ABAT: variants seen among roughly 807,000 people sequenced by gnomAD.
The protein encoded by ABAT is 4-aminobutyrate aminotransferase, mitochondrial.
A neutral mutation model predicts 64.6 loss-of-function variants in ABAT; 45 were observed. The ratio of observed to expected loss-of-function variants is 0.70; its 90% confidence interval spans 0.55 to 0.89. The LOEUF (loss-of-function observed/expected upper bound fraction) is 0.89. Among genes scored for constraint, ABAT ranks in the 40% least tolerant of loss-of-function variants. The pLI, the probability that ABAT is intolerant of heterozygous loss-of-function variation, is 0.00. For synonymous variants in ABAT, 297 were observed against 250.5 expected, an observed-to-expected ratio of 1.19 and a Z score of -1.75; for missense variants, 633 against 658.4, an observed-to-expected ratio of 0.96 and a Z score of 0.42.
intron 8 of ABAT, among the ~76,000 whole-genome samples, chr16:8,765,454 A>G (rs1239062480): frequency 1.3e-5 from 2 of 152,096 alleles, no homozygotes; most frequent in Non-Finnish European, 2.9e-5. Flanking sequence ...ACTTGAGTCC[A>G]AGAGTTCAAG....
rs1206306789 is a variant in ABAT, at chr16:8,776,229, G to C, written c.1123-115G>C. 2.1e-6 allele frequency: 3 copies of C among 1,409,776 alleles called. No individual in the cohort carries two copies. The African/African-American group carries it at 4.2e-5, about 20-fold the overall frequency. The allele number at this position is 1,409,776 out of a possible 1,614,324, so 87.3% of individuals were successfully genotyped here. On this transcript the variant is annotated intron_variant, in intron 13 of 15. Transcript: ENST00000268251. The surrounding 1 kb of genome is among the most constrained non-coding windows in gnomAD (Gnocchi z 4.4). ...GTTCCCCTGCCAGCCTCTGGTAGAT[G>C]CCCACTAGATTAGTTTCTCTCCTCT...
chr16:8,750,557 A>G lies in ABAT; in HGVS notation c.316+18A>G. 3.1e-6 allele frequency: 5 copies of G among 1,603,014 alleles called. No individual in the cohort carries two copies. The highest frequency in any genetic ancestry group is 3.4e-6 in the Non-Finnish European group (4 of 1,170,220). On this transcript the variant is annotated intron_variant, in intron 5 of 15. Coordinates refer to ENST00000268251, the MANE Select transcript of ABAT (RefSeq NM_020686.6). ...CCCCATAGGTAAGAGCTGGGAAATC[A>G]TTCCTTGGATATAACCTCTGTTTCT...
intron 1 of ABAT, among the ~76,000 whole-genome samples, chr16:8,732,717 G>A (rs559668602): frequency 6.6e-6 from 1 of 150,810 alleles, no homozygotes; most frequent in Non-Finnish European, 1.5e-5. Context: ...ATCCTGGCCC[G>A]TTCTCAATGA....
intron 1 of ABAT, among the ~76,000 whole-genome samples, chr16:8,688,052 G>A (rs961965758): frequency 2.7e-5 from 4 of 148,808 alleles, no homozygotes; most frequent in Non-Finnish European, 5.9e-5. Flanking sequence ...CCCGTTCCCT[G>A]CCCCGCTATT....
chr16:8,769,908 AT>A (rs1442704325), intron 11 of ABAT, among the ~76,000 whole-genome samples: 2 of 152,118 alleles, frequency 1.3e-5, no homozygotes, highest in African/African-American at 4.8e-5. Flanking sequence ...GCACATCATC[AT>A]TTTCAATCAG....
At chr16:8,773,778 G>C (rs1230353345) in intron 12 of ABAT, among the ~76,000 whole-genome samples, 4 of 152,160 alleles carry the variant, frequency 2.6e-5, no homozygotes, top group Non-Finnish European at 1.5e-5. Flanking sequence ...AGTGTTTTTA[G>C]TTCCCACCTG....
At chr16:8,726,456 G>A (rs1232069010) in intron 1 of ABAT, among the ~76,000 whole-genome samples, 3 of 151,942 alleles carry the variant, frequency 2.0e-5, no homozygotes, top group Admixed American at 6.6e-5. Context: ...ATGGGGTTTA[G>A]CCATGTTCGC....
intron 1 of ABAT, among the ~76,000 whole-genome samples, chr16:8,725,177 A>T (rs1173724128): frequency 5.9e-5 from 9 of 152,132 alleles, no homozygotes; most frequent in Non-Finnish European, 1.3e-4. Flanking sequence ...CGGCCTCCCA[A>T]AGTGCTACGA....
intron 1 of ABAT, among the ~76,000 whole-genome samples, chr16:8,720,274 A>G (rs1185790712): frequency 3.9e-5 from 6 of 152,220 alleles, no homozygotes; most frequent in East Asian, 3.8e-4. Context: ...TGCAGAAACT[A>G]AGGCACTGAT....
At chr16:8,756,115 A>G (rs918995906) in intron 5 of ABAT, among the ~76,000 whole-genome samples, 2 of 151,660 alleles carry the variant, frequency 1.3e-5, no homozygotes, top group Non-Finnish European at 1.5e-5. Context: ...CCGGAGGCTG[A>G]GGCACGAGAC....
Position 8,764,752 on chromosome 16 carries a change from G to C in ABAT, c.462G>C (p.Gly154=), listed in dbSNP as rs892963068. 3.1e-6 allele frequency: 5 copies of C among 1,614,008 alleles called. No homozygotes were observed. The African/African-American group carries it at 6.7e-5, about 22-fold the overall frequency. Residue 154 remains glycine (G), a synonymous_variant, in exon 8 of 16, where the codon GGG becomes GGC. Coordinates refer to ENST00000268251, the MANE Select transcript of ABAT (RefSeq NM_020686.6). The surrounding 1 kb of genome is among the most constrained non-coding windows in gnomAD (Gnocchi z 4.2). ...CCTCCCCACAGGTGGCTCCCAAAGG[G>C]ATGTCCCAGCTCATCACCATGGCCT... is the stretch of plus-strand genomic sequence containing the variant. ...RQSLLSVAPK[G]MSQLITMACG...
intron 1 of ABAT, among the ~76,000 whole-genome samples, chr16:8,687,198 C>T (rs1417940781): frequency 6.6e-6 from 1 of 152,070 alleles, no homozygotes; most frequent in African/African-American, 2.4e-5. Flanking sequence ...GGCCGCCTGC[C>T]CTCCCACGGA....
intron 11 of ABAT, among the ~76,000 whole-genome samples, chr16:8,771,684 G>A (rs750471119): frequency 1.7e-4 from 26 of 152,148 alleles, no homozygotes; most frequent in Admixed American, 5.2e-4. Flanking sequence ...AGCCAGGCTG[G>A]TCTGGAACTC....
At chr16:8,755,640 G>T (rs1424506764) in intron 5 of ABAT, among the ~76,000 whole-genome samples, 1 of 152,186 alleles carries the variant, frequency 6.6e-6, no homozygotes, top group African/African-American at 2.4e-5. Context: ...GCCGGGTTCG[G>T]TGGCTCACAC....
At chr16:8,731,995 A>G (rs1458207633) in intron 1 of ABAT, among the ~76,000 whole-genome samples, 7 of 151,974 alleles carry the variant, frequency 4.6e-5, no homozygotes, top group Non-Finnish European at 8.8e-5. Context: ...CTGGGATTAC[A>G]GGAGCTCACA....
chr16:8,769,735 C>G (rs2060049721), intron 11 of ABAT, among the ~76,000 whole-genome samples: 1 of 152,098 alleles, frequency 6.6e-6, no homozygotes, highest in South Asian at 2.1e-4. Context: ...CAGGCAGCAC[C>G]CCCCTACCCC....
chr16:8,773,799 T>C (rs746479727), intron 12 of ABAT, among the ~76,000 whole-genome samples: 3 of 152,272 alleles, frequency 2.0e-5, no homozygotes, highest in Non-Finnish European at 4.4e-5. Flanking sequence ...AGTGAGAACA[T>C]GCAATATTTG....
chr16:8,720,301 C>G (rs1417380559), intron 1 of ABAT, among the ~76,000 whole-genome samples: 2 of 152,178 alleles, frequency 1.3e-5, no homozygotes, highest in African/African-American at 2.4e-5. Flanking sequence ...AGCAACTTGC[C>G]TAGGTAATAT....
intron 1 of ABAT, among the ~76,000 whole-genome samples, chr16:8,680,512 G>A (rs1329549966): frequency 2.0e-5 from 3 of 150,692 alleles, no homozygotes; most frequent in Non-Finnish European, 4.4e-5. Flanking sequence ...TGCAACCTCT[G>A]CCTCCTGGGT....
Sources: allele counts gnomAD v4.1 joint callset (sites outside exome capture counted in the v4.1 genomes callset), GRCh38; gene constraint gnomAD v4.1.1; non-coding constraint Gnocchi (gnomAD v3.1); transcripts MANE v1.5; gene names NCBI Gene and HGNC (gene_info 2026-07-23, HGNC 2026-07-21).